The following MTCH2 variants were observed in gnomAD, a reference collection of about 807,000 sequenced individuals.
MTCH2 encodes the protein mitochondrial carrier 2.
Under a neutral mutation model 50.6 loss-of-function variants are expected in MTCH2, and 25 were observed. The ratio of observed to expected loss-of-function variants is 0.49; its 90% CI spans 0.36 to 0.69. The LOEUF (loss-of-function observed/expected upper bound fraction) is 0.69, where lower values mean the gene tolerates loss of function less well. MTCH2 is among the 30% of genes least tolerant of loss of function. The pLI, the probability that MTCH2 is intolerant of heterozygous loss-of-function variation, is 0.00. For missense variants in MTCH2, 273 were observed against 384.4 expected, an observed-to-expected ratio of 0.71 and a Z score of 2.42; for synonymous variants, 106 against 132.0, an observed-to-expected ratio of 0.80 and a Z score of 1.35.
chr11:47,618,673 C>T lies in MTCH2; in HGVS notation c.*160G>A, dbSNP rs1218478881. The T allele has an allele frequency of 2.8e-6, 2 of 711,302 alleles. No individual in the cohort carries two copies. The highest frequency in any genetic ancestry group is 2.4e-6 in the Non-Finnish European group (1 of 411,300). 44.1% of individuals were successfully genotyped at this position (711,302 alleles called of 1,614,324 possible). A position where few individuals can be genotyped will look rare whatever the true frequency, so the allele number is the denominator to read the frequency against. ...AGTATCAGTGGTAAGTTATGTTGTGCTGGAAAAAAGAACAAAAAAGGCAGA... is the reference window on the plus strand; with the variant it reads ...AGTATCAGTGGTAAGTTATGTTGTGTTGGAAAAAAGAACAAAAAAGGCAGA... On this transcript the variant is annotated 3_prime_UTR_variant, in exon 13 of 13. Coordinates refer to ENST00000302503, the MANE Select transcript of MTCH2 (RefSeq NM_014342.4).
chr11:47,613,943 G>A (rs1157803999), downstream of MTCH2, among the ~76,000 whole-genome samples: 1 of 152,058 alleles, frequency 6.6e-6, no homozygotes, highest in Non-Finnish European at 1.5e-5. Context: ...AAAATGAGCC[G>A]CGGGTGGTGA....
At position 47,635,574 on chromosome 11, in the gene MTCH2, A is replaced by T; in HGVS notation, c.280-3T>A. 1 of 1,612,336 alleles carries T rather than the reference A, an allele frequency of 6.2e-7. No homozygotes were observed. On this transcript the variant is annotated splice_region_variant and splice_polypyrimidine_tract_variant and intron_variant, in intron 3 of 12. Transcript: ENST00000302503. ...CCCTTGTCACTCTCCTGGTAATGCT[A>T]TAGAAAAAAAGAAAAAGGATGATTA...
At chr11:47,604,967 A>G in the MTCH2 span, among the ~76,000 whole-genome samples, 1 of 151,282 alleles carries the variant, frequency 6.6e-6, no homozygotes, top group African/African-American at 2.4e-5. Flanking sequence ...GTCTTGCTCT[A>G]TCTCCCAGGC....
At chr11:47,623,015 A>G (rs907669700) in intron 11 of MTCH2, among the ~76,000 whole-genome samples, 3 of 152,218 alleles carry the variant, frequency 2.0e-5, no homozygotes, top group Non-Finnish European at 4.4e-5. Context: ...TTTCTAAAAC[A>G]TTTAGACTTT....
chr11:47,640,469 T>G (rs543297517), intron 1 of MTCH2, among the ~76,000 whole-genome samples: 3 of 152,262 alleles, frequency 2.0e-5, no homozygotes, highest in Non-Finnish European at 4.4e-5. Context: ...CAGGCTGGAG[T>G]GCAGTGGCAC....
chr11:47,621,084 C>T (rs1207644668), intron 12 of MTCH2, among the ~76,000 whole-genome samples: 2 of 152,176 alleles, frequency 1.3e-5, no homozygotes, highest in Middle Eastern at 3.4e-3. Context: ...AAACAGGGAC[C>T]ACACTGTACA....
At chr11:47,608,065 C>A in the MTCH2 span, among the ~76,000 whole-genome samples, 2 of 152,186 alleles carry the variant, frequency 1.3e-5, no homozygotes, top group African/African-American at 2.4e-5. Context: ...CTGGGCTTTG[C>A]TATTTACCAC....
At chr11:47,610,376 C>G in the MTCH2 span, among the ~76,000 whole-genome samples, 1 of 152,182 alleles carries the variant, frequency 6.6e-6, no homozygotes, top group African/African-American at 2.4e-5. Flanking sequence ...CTATCACATA[C>G]CAAATATTTA....
chr11:47,612,574 T>C (rs1193492085), downstream of MTCH2, among the ~76,000 whole-genome samples: 1 of 151,060 alleles, frequency 6.6e-6, no homozygotes, highest in Non-Finnish European at 1.5e-5. Flanking sequence ...AAAAAAAAAA[T>C]TAGCCAGATG....
chr11:47,616,614 A>G (rs1026962627), downstream of MTCH2, among the ~76,000 whole-genome samples: 3 of 151,714 alleles, frequency 2.0e-5, no homozygotes, highest in Non-Finnish European at 4.4e-5. Flanking sequence ...GGTATGGGCC[A>G]CCACAACCAG....
intron 11 of MTCH2, 67 bp downstream of exon 11, chr11:47,625,607 A>G: frequency 9.7e-7 from 1 of 1,032,236 alleles, no homozygotes. Flanking sequence ...CTAAATTTCT[A>G]CAAGGCTGCT....
chr11:47,630,649 A>C (rs1003861342), intron 7 of MTCH2, 35 bp from the exon 8 acceptor site: 2 of 1,562,690 alleles, frequency 1.3e-6, no homozygotes, highest in African/African-American at 2.7e-5. Context: ...AAATATATTA[A>C]GATTCTTTTG....
At chr11:47,611,381 G>A in the MTCH2 span, among the ~76,000 whole-genome samples, 1 of 152,244 alleles carries the variant, frequency 6.6e-6, no homozygotes, top group Non-Finnish European at 1.5e-5. Context: ...TCACCAGTCT[G>A]ATGCCAGAAG....
Position 47,631,682 on chromosome 11 carries a change from A to G in MTCH2, c.399T>C (p.Ala133=), listed in dbSNP as rs1458009314. The change falls in exon 6 of 13, where the codon GCT becomes GCC. Residue 133 remains alanine, a synonymous_variant. Transcript: ENST00000302503. ...GGAAGGGATGTGTGATGAGGGTAGC[A>G]GCAGAACGAGCGATCATCTCTCGAG... ...ETTREMIARS[A]ATLITHPFHV... is the part of the protein sequence containing the mutation. 52 of 1,614,164 alleles carry G rather than the reference A, an allele frequency of 3.2e-5. No individual in the cohort carries two copies. The highest frequency in any genetic ancestry group is 4.2e-5 in the Non-Finnish European group (49 of 1,180,008).
intron 3 of MTCH2, among the ~76,000 whole-genome samples, chr11:47,637,237 G>A (rs932046054): frequency 2.0e-5 from 3 of 152,086 alleles, no homozygotes; most frequent in Admixed American, 6.6e-5. Flanking sequence ...TGATCCACCC[G>A]CCTCAGCCTC....
Position 47,642,405 on chromosome 11 carries a change from G to C in MTCH2, c.61C>G (p.Leu21Val), listed in dbSNP as rs369037616. ...TGGATGAGCACTTTCACGTACATGAGCGGCTGGGACAGGATGGTGAGACCG... is the reference window on the plus strand; with the variant it reads ...TGGATGAGCACTTTCACGTACATGACCGGCTGGGACAGGATGGTGAGACCG... ...GSGLTILSQP[L>V]MYVKVLIQVG... is the part of the protein sequence containing the mutation. Residue 21 changes from leucine to valine, a missense_variant, in exon 1 of 13, where the codon CTC becomes GTC. This residue lies in a region of MTCH2 where 203 missense variants were observed against 244.3 expected (regional missense o/e 0.83). Transcript: ENST00000302503. 51 of 1,609,890 alleles carry C rather than the reference G, an allele frequency of 3.2e-5. No individual in the cohort carries two copies. The highest frequency in any genetic ancestry group is 4.3e-5 in the Non-Finnish European group (51 of 1,178,376).
chr11:47,625,788 T>G (rs764575237), intron 10 of MTCH2, 47 bp from the exon 11 acceptor site: 1 of 1,484,488 alleles, frequency 6.7e-7, no homozygotes, highest in Non-Finnish European at 9.3e-7. Context: ...TTCCTAGTCT[T>G]TATTCTCCTT....
At chr11:47,628,872 C>T in intron 9 of MTCH2, 81 bp downstream of exon 9, 1 of 1,304,498 alleles carries the variant, frequency 7.7e-7, no homozygotes, top group Non-Finnish European at 1.1e-6. Flanking sequence ...GCCACCTCGC[C>T]CGGCCCATCT....
At chr11:47,623,374 TTTAAAAA>T (rs1242953155) in intron 11 of MTCH2, among the ~76,000 whole-genome samples, 2 of 140,814 alleles carry the variant, frequency 1.4e-5, no homozygotes, top group African/African-American at 5.4e-5. Context: ...CCAGTCTTTT[TTTAAAAA>T]AAAAAAAAAA....
Sources: gnomAD v4.1 joint callset for allele counts (sites outside exome capture counted in the v4.1 genomes callset) on GRCh38, gnomAD v4.1.1 for gene constraint, gnomAD v4.1.1 regional missense constraint, MANE v1.5 for transcripts, NCBI Gene and HGNC (gene_info 2026-07-23, HGNC 2026-07-21) for gene names.